PKP2: variants seen among roughly 807,000 people sequenced by gnomAD.
PKP2 encodes plakophilin 2, also known as plakophilin-2.
Under a neutral mutation model 83.4 loss-of-function variants are expected in PKP2, and 73 were observed. The ratio of observed to expected loss-of-function variants is 0.88; its 90% CI spans 0.72 to 1.06. PKP2 has a LOEUF of 1.06. PKP2 is among the 50% of genes least tolerant of loss of function. PKP2 has a pLI of 0.00. For synonymous variants in PKP2, 409 were observed against 430.4 expected, an observed-to-expected ratio of 0.95 and a Z score of 0.62; for missense variants, 966 against 1,065.4, an observed-to-expected ratio of 0.91 and a Z score of 1.30.
intron 6 of PKP2, among the ~76,000 whole-genome samples, chr12:32,836,374 T>G (rs1444986640): frequency 6.6e-6 from 1 of 152,234 alleles, no homozygotes; most frequent in Non-Finnish European, 1.5e-5. Context: ...AAGGATAAGT[T>G]ATGCATGTTC....
chr12:32,797,007 A>G (rs1188504136), intron 10 of PKP2, among the ~76,000 whole-genome samples: 1 of 152,190 alleles, frequency 6.6e-6, no homozygotes, highest in Non-Finnish European at 1.5e-5. Flanking sequence ...ATATCCTTAT[A>G]ATAGGACTAT....
intron 6 of PKP2, among the ~76,000 whole-genome samples, chr12:32,825,162 CTTTTTTTTTTTT>C (rs10607965): frequency 2.0e-3 from 155 of 76,856 alleles, no homozygotes; most frequent in African/African-American, 7.4e-3. Flanking sequence ...AGATCAGTTT[CTTTTTTTTTTTT>C]TTTTTTTTTT....
intron 6 of PKP2, among the ~76,000 whole-genome samples, chr12:32,833,302 T>C (rs1211370735): frequency 6.6e-6 from 1 of 152,016 alleles, no homozygotes; most frequent in South Asian, 2.1e-4. Flanking sequence ...ATCATGAAAA[T>C]GTAGATGCAG....
chr12:32,834,199 C>T (rs889572987), intron 6 of PKP2, among the ~76,000 whole-genome samples: 7 of 152,200 alleles, frequency 4.6e-5, no homozygotes, highest in African/African-American at 1.7e-4. Flanking sequence ...TGCCAGTTTC[C>T]TCCACGAAAC....
chr12:32,890,469 C>T (rs1957067620), intron 1 of PKP2, among the ~76,000 whole-genome samples: 1 of 152,118 alleles, frequency 6.6e-6, no homozygotes, highest in Non-Finnish European at 1.5e-5. Flanking sequence ...GCTGATTATT[C>T]CAAGAATATA....
chr12:32,862,044 C>T (rs773665680), intron 4 of PKP2, among the ~76,000 whole-genome samples: 23 of 151,988 alleles, frequency 1.5e-4, no homozygotes, highest in Non-Finnish European at 2.6e-4. Context: ...ATTACAGGCA[C>T]CCGCCACCAC....
chr12:32,833,269 A>T (rs1258457608), intron 6 of PKP2, among the ~76,000 whole-genome samples: 2 of 152,180 alleles, frequency 1.3e-5, no homozygotes, highest in Non-Finnish European at 2.9e-5. Context: ...AATAATACAA[A>T]AAGAAAGAAA....
chr12:32,841,320 G>A lies in PKP2; in HGVS notation c.1379-115C>T, dbSNP rs555887492. ...CTATGACTAGTCATAAAAAAATTTG[G>A]GGGGTTGGGGGGCCAGCCTCTTTCT... On this transcript the variant is annotated intron_variant, in intron 5 of 12. Coordinates refer to ENST00000340811, the MANE Select transcript of PKP2 (RefSeq NM_001005242.3). 5,335 of 799,888 alleles carry A rather than the reference G, an allele frequency of 6.7e-3. 20 individuals carry two copies. Among genetic ancestry groups the A allele is most frequent in the Non-Finnish European group, 8.5e-3 (4,023 of 472,406 alleles). 49.5% of individuals were successfully genotyped at this position (799,888 alleles called of 1,614,324 possible).
chr12:32,891,077 A>G (rs902590652), intron 1 of PKP2, among the ~76,000 whole-genome samples: 12 of 152,212 alleles, frequency 7.9e-5, no homozygotes, highest in Admixed American at 1.3e-4. Flanking sequence ...GGCTCACTCT[A>G]ATAGAAAAAT....
Position 32,808,488 on chromosome 12 carries a change from GAA to G in PKP2, c.2014-5934_2014-5933del, listed in dbSNP as rs2137740361. ...TTACGACATGCTCCTTTATCTCAGCGAAGTTTGTTATTTCCCACCTTCTGAAG... is the reference window on the plus strand; with the variant it reads ...TTACGACATGCTCCTTTATCTCAGCGGTTTGTTATTTCCCACCTTCTGAAG... On this transcript the variant is annotated intron_variant, in intron 9 of 12. Transcript: ENST00000340811. 2.0e-5 allele frequency among the ~76,000 whole-genome samples: 3 copies of G among 152,194 alleles called. No individual in the cohort carries two copies. The South Asian group carries it at 6.2e-4, about 32-fold the overall frequency.
At chr12:32,835,114 C>T (rs374461211) in intron 6 of PKP2, among the ~76,000 whole-genome samples, 10 of 150,070 alleles carry the variant, frequency 6.7e-5, no homozygotes, top group South Asian at 2.1e-4. Context: ...AGTGCAGTGG[C>T]GCGACTTCGG....
intron 6 of PKP2, among the ~76,000 whole-genome samples, chr12:32,831,238 C>T (rs1017517926): frequency 1.3e-5 from 2 of 152,136 alleles, no homozygotes; most frequent in African/African-American, 2.4e-5. Flanking sequence ...ATCCATACCT[C>T]CAAGATAGGC....
Position 32,855,963 on chromosome 12 carries a change from A to AT in PKP2, c.1171-4991dup, listed in dbSNP as rs1009513470. Among the ~76,000 whole-genome samples the AT allele has an allele frequency of 2.6e-4, 39 of 151,430 alleles. 1 individual carries two copies. The highest frequency in any genetic ancestry group is 5.6e-4 in the African/African-American group (23 of 41,220). On this transcript the variant is annotated intron_variant, in intron 4 of 12. Transcript: ENST00000340811. ...TTTCGATTTAAAAATCGAAATAAAAATTTTTTTTTGTGGGGACAAAGAAAG... is the reference window on the plus strand; with the variant it reads ...TTTCGATTTAAAAATCGAAATAAAAATTTTTTTTTTGTGGGGACAAAGAAAG...
chr12:32,882,518 T>C (rs1956995577), intron 1 of PKP2, among the ~76,000 whole-genome samples: 1 of 152,168 alleles, frequency 6.6e-6, no homozygotes, highest in African/African-American at 2.4e-5. Context: ...GTAAGAATCT[T>C]TGGACAGGAC....
intron 7 of PKP2, among the ~76,000 whole-genome samples, chr12:32,823,422 CAAAAAAA>C (rs34680115): frequency 1.2e-5 from 1 of 84,190 alleles, no homozygotes; most frequent in South Asian, 4.5e-4. Context: ...ACTCTGCCTC[CAAAAAAA>C]AAAAAAAAAA....
chr12:32,837,143 T>C (rs1198027007), intron 6 of PKP2, among the ~76,000 whole-genome samples: 2 of 152,184 alleles, frequency 1.3e-5, no homozygotes, highest in Non-Finnish European at 2.9e-5. Flanking sequence ...ACTGAATATG[T>C]CTGTAAATTG....
chr12:32,849,110 A>C (rs1038240892), intron 5 of PKP2, among the ~76,000 whole-genome samples: 1 of 152,128 alleles, frequency 6.6e-6, no homozygotes, highest in Non-Finnish European at 1.5e-5. Flanking sequence ...TAGAAACCCA[A>C]GGTTTCTGTG....
chr12:32,833,818 G>A (rs1399346592), intron 6 of PKP2, among the ~76,000 whole-genome samples: 1 of 152,158 alleles, frequency 6.6e-6, no homozygotes, highest in Non-Finnish European at 1.5e-5. Flanking sequence ...GTTTTAAAAT[G>A]TGTAATGACA....
At chr12:32,815,589 T>C (rs1273974644) in intron 9 of PKP2, among the ~76,000 whole-genome samples, 1 of 152,194 alleles carries the variant, frequency 6.6e-6, no homozygotes, top group East Asian at 1.9e-4. Context: ...AGATGGGGAA[T>C]CAAATAAAGT....
Sources: gnomAD v4.1 joint callset for allele counts (sites outside exome capture counted in the v4.1 genomes callset) on GRCh38, gnomAD v4.1.1 for gene constraint, MANE v1.5 for transcripts, NCBI Gene and HGNC (gene_info 2026-07-23, HGNC 2026-07-21) for gene names.